Variants in TNFSF4 observed in about 807,000 individuals in gnomAD.
TNFSF4 encodes tumor necrosis factor ligand superfamily member 4.
In TNFSF4, 4 loss-of-function variants were observed where a neutral mutation model predicts 7.3. The observed-to-expected ratio is 0.55, with a 90% CI of 0.27 to 1.25. TNFSF4 has a LOEUF of 1.25. Among genes scored for constraint, TNFSF4 ranks in the 50% most tolerant of loss-of-function variants. The pLI is 0.12. For missense variants in TNFSF4, 181 were observed against 208.8 expected, an observed-to-expected ratio of 0.87 and a Z score of 0.82; for synonymous variants, 76 against 83.7, an observed-to-expected ratio of 0.91 and a Z score of 0.50.
At chr1:173,204,156 A>T (rs1442206319) in intron 1 of TNFSF4, among the ~76,000 whole-genome samples, 1 of 152,238 alleles carries the variant, frequency 6.6e-6, no homozygotes, top group African/African-American at 2.4e-5. Flanking sequence ...GGAAATCCAT[A>T]AGCTTAAACA....
At chr1:173,357,303 G>C in the TNFSF4 span, among the ~76,000 whole-genome samples, 1 of 152,092 alleles carries the variant, frequency 6.6e-6, no homozygotes, top group Non-Finnish European at 1.5e-5. Context: ...TGGAAGATTA[G>C]GCTGGGACAC....
chr1:173,430,464 G>A, the TNFSF4 span, among the ~76,000 whole-genome samples: 1 of 152,238 alleles, frequency 6.6e-6, no homozygotes, highest in African/African-American at 2.4e-5. Flanking sequence ...GGTCAGGAGT[G>A]GGAATGCCAG....
At chr1:173,388,007 A>T in the TNFSF4 span, among the ~76,000 whole-genome samples, 24 of 152,324 alleles carry the variant, frequency 1.6e-4, no homozygotes, top group African/African-American at 5.8e-4. Flanking sequence ...CACTTTACTG[A>T]ACTTCTCTAA....
chr1:173,306,856 A>C, the TNFSF4 span, among the ~76,000 whole-genome samples: 1 of 151,668 alleles, frequency 6.6e-6, no homozygotes, highest in Non-Finnish European at 1.5e-5. Flanking sequence ...AACTTCCCTG[A>C]CTCTGCCCCA....
chr1:173,338,774 G>T, the TNFSF4 span, among the ~76,000 whole-genome samples: 2 of 152,248 alleles, frequency 1.3e-5, no homozygotes, highest in South Asian at 4.2e-4. Context: ...GTTGCAGGGG[G>T]TGGAATGCTA....
the TNFSF4 span, among the ~76,000 whole-genome samples, chr1:173,296,127 G>C: frequency 6.6e-6 from 1 of 151,942 alleles, no homozygotes; most frequent in Non-Finnish European, 1.5e-5. Flanking sequence ...GCCTAGCCCA[G>C]TTTTCTGTCA....
chr1:173,233,783 T>TA, the TNFSF4 span, among the ~76,000 whole-genome samples: 1 of 152,076 alleles, frequency 6.6e-6, no homozygotes, highest in East Asian at 1.9e-4. Flanking sequence ...TTACACCTTA[T>TA]AAAAAAATTA....
At chr1:173,177,960 A>G in the TNFSF4 span, among the ~76,000 whole-genome samples, 1 of 152,224 alleles carries the variant, frequency 6.6e-6, no homozygotes, top group Non-Finnish European at 1.5e-5. Flanking sequence ...TCTACTTTTC[A>G]TATTATAAAT....
the TNFSF4 span, among the ~76,000 whole-genome samples, chr1:173,220,489 G>GA: frequency 1.3e-5 from 2 of 152,132 alleles, no homozygotes; most frequent in African/African-American, 2.4e-5. Context: ...TGTATGCACA[G>GA]AAAAATGAAT....
chr1:173,416,843 C>T, the TNFSF4 span, among the ~76,000 whole-genome samples: 18 of 152,110 alleles, frequency 1.2e-4, no homozygotes, highest in African/African-American at 3.9e-4. Flanking sequence ...GCGATCCACC[C>T]GCCTCGGCCT....
At chr1:173,245,000 T>C in the TNFSF4 span, among the ~76,000 whole-genome samples, 3 of 151,998 alleles carry the variant, frequency 2.0e-5, no homozygotes, top group Admixed American at 1.3e-4. Flanking sequence ...CTTAACTTTA[T>C]CTATATGATG....
chr1:173,208,687 T>G (rs184926699), upstream of TNFSF4, among the ~76,000 whole-genome samples: 1 of 152,268 alleles, frequency 6.6e-6, no homozygotes, highest in Admixed American at 6.5e-5. Context: ...TCATAGTTAT[T>G]CCCTTGAACA....
chr1:173,203,374 T>G (rs551806110), intron 1 of TNFSF4, among the ~76,000 whole-genome samples: 18 of 152,362 alleles, frequency 1.2e-4, no homozygotes, highest in Admixed American at 6.5e-4. Flanking sequence ...CAGATGTTAA[T>G]TTTTTAATTC....
At chr1:173,275,463 A>T in the TNFSF4 span, among the ~76,000 whole-genome samples, 1 of 152,214 alleles carries the variant, frequency 6.6e-6, no homozygotes, top group East Asian at 1.9e-4. Flanking sequence ...TAAAGCTGTC[A>T]TAAGATGTGT....
the TNFSF4 span, among the ~76,000 whole-genome samples, chr1:173,390,863 A>C: frequency 6.7e-6 from 1 of 149,958 alleles, no homozygotes; most frequent in Non-Finnish European, 1.5e-5. Flanking sequence ...CTCCTGCCTC[A>C]GCCTCTCGAG....
the TNFSF4 span, among the ~76,000 whole-genome samples, chr1:173,232,975 C>T: frequency 5.0e-4 from 76 of 152,204 alleles, no homozygotes; most frequent in East Asian, 2.7e-3. Flanking sequence ...CAAAGCTGGA[C>T]GGAGAATGAC....
chr1:173,177,705 CAAAT>C, the TNFSF4 span, among the ~76,000 whole-genome samples: 2 of 152,226 alleles, frequency 1.3e-5, no homozygotes, highest in South Asian at 4.1e-4. Context: ...CATTCACAAA[CAAAT>C]ATTTACTGGC....
At chr1:173,424,878 G>C in the TNFSF4 span, among the ~76,000 whole-genome samples, 155 of 152,328 alleles carry the variant, frequency 1.0e-3, 1 homozygote, top group African/African-American at 3.7e-3. Flanking sequence ...AGCCTCAGTT[G>C]CTTCATCTGA....
At chr1:173,325,807 C>T in the TNFSF4 span, among the ~76,000 whole-genome samples, 4 of 152,276 alleles carry the variant, frequency 2.6e-5, no homozygotes, top group African/African-American at 9.6e-5. Flanking sequence ...CCTCCCAAGA[C>T]TAAACCAGGA....
Sources: gnomAD v4.1 joint callset for allele counts (sites outside exome capture counted in the v4.1 genomes callset) on GRCh38, gnomAD v4.1.1 for gene constraint, MANE v1.5 for transcripts, NCBI Gene and HGNC (gene_info 2026-07-23, HGNC 2026-07-21) for gene names.